Variants in MYOM1 observed in about 807,000 individuals in gnomAD.
MYOM1 encodes myomesin-1.
A neutral mutation model predicts 205.3 loss-of-function variants in MYOM1; 164 were observed. The observed-to-expected ratio is 0.80, with a 90% CI of 0.70 to 0.91. The LOEUF (loss-of-function observed/expected upper bound fraction) is 0.91, where lower values mean the gene tolerates loss of function less well. Among genes scored for constraint, MYOM1 ranks in the 40% least tolerant of loss-of-function variants. MYOM1 has a pLI of 0.00. For missense variants in MYOM1, 2,011 were observed against 2,127.3 expected, an observed-to-expected ratio of 0.95 and a Z score of 1.08; for synonymous variants, 772 against 789.4, an observed-to-expected ratio of 0.98 and a Z score of 0.37.
At chr18:3,072,500 T>C (rs893328305) in intron 36 of MYOM1, among the ~76,000 whole-genome samples, 4 of 151,728 alleles carry the variant, frequency 2.6e-5, no homozygotes, top group African/African-American at 9.7e-5. Flanking sequence ...ATTACAGGCC[T>C]GTACCACCAC....
intron 2 of MYOM1, among the ~76,000 whole-genome samples, chr18:3,197,154 T>G (rs1180206412): frequency 1.4e-5 from 2 of 139,074 alleles, no homozygotes; most frequent in African/African-American, 2.7e-5. Context: ...TTTTTTTTTT[T>G]GAGACGGAGT....
At position 3,086,156 on chromosome 18, in the gene MYOM1, G is replaced by T; in HGVS notation, c.4138-5C>A. ...CTCCTTCTTAATATTTGCCACCTAG[G>T]AGAAAAACCATAATTACTTTTCTTA... On this transcript the variant is annotated splice_region_variant and splice_polypyrimidine_tract_variant and intron_variant, in intron 29 of 37. Transcript: ENST00000356443. 1 of 1,542,762 alleles carries T rather than the reference G, an allele frequency of 6.5e-7. No homozygotes were observed.
intron 22 of MYOM1, among the ~76,000 whole-genome samples, chr18:3,106,433 T>C (rs1366887624): frequency 6.6e-6 from 1 of 152,234 alleles, no homozygotes; most frequent in Admixed American, 6.5e-5. Context: ...ATCATTACCT[T>C]ATAGTTGAGT....
rs1025269588 is a variant in MYOM1, at chr18:3,152,900, G to A, written c.1644-1007C>T. 6.6e-6 allele frequency among the ~76,000 whole-genome samples: 1 copy of A among 152,124 alleles called. No homozygotes were observed. Among genetic ancestry groups the A allele is most frequent in the African/African-American group, 2.4e-5 (1 of 41,414 alleles). On this transcript the variant is annotated intron_variant, in intron 11 of 37. Transcript: ENST00000356443. The surrounding 1 kb of genome is among the most constrained non-coding windows in gnomAD (Gnocchi z 4.3). ...AATAGACAATTTCCTTATGTAAAGTGGAATAGACAACTTCCTCACTTTCCT... is the reference window on the plus strand; with the variant it reads ...AATAGACAATTTCCTTATGTAAAGTAGAATAGACAACTTCCTCACTTTCCT...
chr18:3,067,650 A>G (rs2078912905), intron 37 of MYOM1, 95 bp from the exon 38 acceptor site: 1 of 1,353,930 alleles, frequency 7.4e-7, no homozygotes, highest in African/African-American at 1.5e-5. Context: ...GCATGACCAA[A>G]GGGAGGATAA....
intron 2 of MYOM1, among the ~76,000 whole-genome samples, chr18:3,208,893 G>C (rs2081158238): frequency 6.6e-6 from 1 of 152,174 alleles, no homozygotes; most frequent in Non-Finnish European, 1.5e-5. Flanking sequence ...GCCTCCTCAA[G>C]TGTTGGGATT....
At chr18:3,132,642 C>T (rs1412069737) in intron 16 of MYOM1, among the ~76,000 whole-genome samples, 2 of 151,990 alleles carry the variant, frequency 1.3e-5, no homozygotes, top group Admixed American at 6.6e-5. Context: ...GCATTGGTGG[C>T]TCCTTGTCAT....
At chr18:3,238,400 G>C in the MYOM1 span, among the ~76,000 whole-genome samples, 2 of 151,910 alleles carry the variant, frequency 1.3e-5, no homozygotes. Context: ...GGGGTGTTGG[G>C]GACCCCTGCA....
upstream of MYOM1, among the ~76,000 whole-genome samples, chr18:3,224,901 G>A (rs1304478493): frequency 2.0e-5 from 3 of 152,148 alleles, no homozygotes; most frequent in Non-Finnish European, 4.4e-5. Context: ...TGCTGACCTC[G>A]TGATCCACCC....
chr18:3,242,552 A>C, the MYOM1 span, among the ~76,000 whole-genome samples: 2 of 152,150 alleles, frequency 1.3e-5, no homozygotes, highest in Non-Finnish European at 2.9e-5. Context: ...TCTGTAGCCC[A>C]GGCTTGAGGG....
At chr18:3,122,645 G>A (rs939481855) in intron 19 of MYOM1, among the ~76,000 whole-genome samples, 2 of 151,974 alleles carry the variant, frequency 1.3e-5, no homozygotes, top group African/African-American at 4.8e-5. Flanking sequence ...AATCCTAAAC[G>A]ATAATTGGCA....
chr18:3,239,362 C>T, the MYOM1 span, among the ~76,000 whole-genome samples: 459 of 152,260 alleles, frequency 3.0e-3, 2 homozygotes, highest in Admixed American at 6.3e-3. Flanking sequence ...CCATTATCTT[C>T]TCAGTGACTT....
At chr18:3,068,729 CT>C (rs1043757087) in intron 37 of MYOM1, among the ~76,000 whole-genome samples, 2 of 152,112 alleles carry the variant, frequency 1.3e-5, no homozygotes, top group African/African-American at 2.4e-5. Flanking sequence ...ATCCCTTGTT[CT>C]TGCTGACTAG....
chr18:3,092,222 G>A (rs1348021603), intron 26 of MYOM1, among the ~76,000 whole-genome samples: 2 of 149,596 alleles, frequency 1.3e-5, no homozygotes, highest in African/African-American at 4.9e-5. Context: ...TTAGAGATAG[G>A]GTCTCGCTCT....
chr18:3,221,192 T>TA (rs2081326513), upstream of MYOM1, among the ~76,000 whole-genome samples: 1 of 151,948 alleles, frequency 6.6e-6, no homozygotes, highest in Non-Finnish European at 1.5e-5. Flanking sequence ...TTTTTTTTTT[T>TA]AACTCTTGGT....
In MYOM1 at chr18:3,120,084, A is replaced by G. The variant is rs1401357094; in HGVS notation, c.2992-89T>C. 1.4e-5 allele frequency: 21 copies of G among 1,474,840 alleles called. No individual in the cohort carries two copies. The Admixed American group carries it at 4.8e-4, about 34-fold the overall frequency. 91.4% of individuals were successfully genotyped at this position (1,474,840 alleles called of 1,614,324 possible). ...TGAGCATTTTATTTATTTACCTTCC[A>G]TGTCAGACACACCCTAGGGTGACCC... is the stretch of plus-strand genomic sequence containing the variant. On this transcript the variant is annotated intron_variant, in intron 19 of 37. Transcript: ENST00000356443.
chr18:3,243,064 C>CT, the MYOM1 span, among the ~76,000 whole-genome samples: 2 of 152,138 alleles, frequency 1.3e-5, no homozygotes, highest in African/African-American at 4.8e-5. Flanking sequence ...TCATCCCTGA[C>CT]TTTAATGATA....
At chr18:3,071,780 C>T in intron 37 of MYOM1, 54 bp downstream of exon 37, 1 of 1,544,334 alleles carries the variant, frequency 6.5e-7, no homozygotes, top group Non-Finnish European at 8.8e-7. Context: ...ATCTGGGGTG[C>T]TGGAACCTGT....
In MYOM1 at chr18:3,126,820, C is replaced by T. The variant is rs2079793202; in HGVS notation, c.2872G>A (p.Asp958Asn). Residue 958 changes from aspartate to asparagine, a missense_variant, in exon 19 of 38, where the codon GAT becomes AAT. Asp to Asn is a conservative substitution (Grantham distance 23, BLOSUM62 1). Coordinates refer to ENST00000356443, the MANE Select transcript of MYOM1 (RefSeq NM_003803.4). ...DSMVLGWKQP[D>N]KIGGAEITGY... is the part of the protein sequence containing the mutation. ...GTAATTTCTGCCCCTCCAATCTTAT[C>T]TGGTTGCTTCCATCCAAGAACCATT... 6.2e-7 allele frequency: 1 copy of T among 1,613,688 alleles called. No homozygotes were observed. The highest frequency in any genetic ancestry group is 8.5e-7 in the Non-Finnish European group (1 of 1,179,782).
Sources: gnomAD v4.1 joint callset for allele counts (sites outside exome capture counted in the v4.1 genomes callset) on GRCh38, gnomAD v4.1.1 for gene constraint, Gnocchi (gnomAD v3.1) non-coding constraint, MANE v1.5 for transcripts, NCBI Gene and HGNC (gene_info 2026-07-23, HGNC 2026-07-21) for gene names.